KMT2C: variants seen among roughly 807,000 people sequenced by gnomAD.
The protein encoded by KMT2C is histone-lysine N-methyltransferase 2C.
Under a neutral mutation model 507.9 loss-of-function variants are expected in KMT2C, and 88 were observed. The observed-to-expected ratio is 0.17, with a 90% CI of 0.15 to 0.21. The LOEUF (loss-of-function observed/expected upper bound fraction) is 0.21. Ranked by LOEUF, KMT2C falls within the 10% of genes least tolerant of loss-of-function variation. The probability of loss-of-function intolerance (pLI) is 1.00; values close to 1 mark genes in which losing one functional copy is unlikely to be tolerated. For missense variants in KMT2C, 4,954 were observed against 5,957.8 expected (o/e 0.83, Z 5.55); for synonymous variants, 2,049 against 2,080.8 (o/e 0.98, Z 0.42).
At chr7:152,433,640 C>G (rs1309155150) in intron 1 of KMT2C, among the ~76,000 whole-genome samples, 1 of 152,196 alleles carries the variant, frequency 6.6e-6, no homozygotes, top group Non-Finnish European at 1.5e-5. Flanking sequence ...TACATTTGTT[C>G]TAAATATTTC....
intron 27 of KMT2C, among the ~76,000 whole-genome samples, chr7:152,197,996 C>T (rs1325047960): frequency 6.6e-6 from 1 of 151,436 alleles, no homozygotes; most frequent in East Asian, 1.9e-4. Flanking sequence ...AATCCTTTTG[C>T]TTTTAAAACT....
chr7:152,147,216 C>A (rs1483901524), intron 52 of KMT2C, among the ~76,000 whole-genome samples: 1 of 151,694 alleles, frequency 6.6e-6, no homozygotes, highest in African/African-American at 2.4e-5. Context: ...TGTTTGTGTA[C>A]TTTCTACATA....
chr7:152,361,547 G>C (rs888414950), intron 1 of KMT2C, among the ~76,000 whole-genome samples: 1 of 151,932 alleles, frequency 6.6e-6, no homozygotes, highest in African/African-American at 2.4e-5. Context: ...TGGGCAACAA[G>C]AGAGAAACTC....
chr7:152,398,019 T>G (rs1344426603), intron 1 of KMT2C, among the ~76,000 whole-genome samples: 3 of 152,234 alleles, frequency 2.0e-5, no homozygotes, highest in Non-Finnish European at 2.9e-5. Context: ...CTCCACATCA[T>G]TCACGTGTGT....
chr7:152,196,542 C>T (rs2129131153), intron 27 of KMT2C, among the ~76,000 whole-genome samples: 1 of 152,218 alleles, frequency 6.6e-6, no homozygotes, highest in Admixed American at 6.5e-5. Flanking sequence ...TATTTCACTA[C>T]CCACAGAACT....
At chr7:152,249,090 C>T (rs1478642114) in intron 13 of KMT2C, among the ~76,000 whole-genome samples, 1 of 152,066 alleles carries the variant, frequency 6.6e-6, no homozygotes, top group African/African-American at 2.4e-5. Flanking sequence ...TGCCAACCTA[C>T]CCAAAATATT....
chr7:152,187,819 A>G lies in KMT2C; in HGVS notation c.4689T>C (p.Asn1563=). The G allele has an allele frequency of 6.2e-7, 1 of 1,613,908 alleles. No individual in the cohort carries two copies. Among genetic ancestry groups the G allele is most frequent in the Non-Finnish European group, 8.5e-7 (1 of 1,179,892 alleles). The change falls in exon 32 of 59, where the codon AAT becomes AAC. Residue 1563 remains asparagine (N), a synonymous_variant. Transcript: ENST00000262189. ...QDAFSRMPLM[N]GLIGSSPHLP... ...GATGAGGACTGGATCCAATAAGGCC[A>G]TTCATGAGAGGCATCCGTGAAAAAG...
intron 31 of KMT2C, among the ~76,000 whole-genome samples, chr7:152,188,232 TATG>T (rs1160635423): frequency 6.6e-6 from 1 of 152,232 alleles, no homozygotes; most frequent in Non-Finnish European, 1.5e-5. Flanking sequence ...GATTTTGAAA[TATG>T]ATCTCTACAG....
chr7:152,221,711 C>T, intron 22 of KMT2C, among the ~76,000 whole-genome samples: 1 of 152,136 alleles, frequency 6.6e-6, no homozygotes. Context: ...GTGTTTTCTG[C>T]TAACTGATAA....
intron 1 of KMT2C, among the ~76,000 whole-genome samples, chr7:152,429,479 G>A (rs2097848377): frequency 6.6e-6 from 1 of 151,680 alleles, no homozygotes; most frequent in Non-Finnish European, 1.5e-5. Context: ...GCAAATAAAG[G>A]GATCAACACT....
At chr7:152,352,458 C>G (rs1483202800) in intron 2 of KMT2C, among the ~76,000 whole-genome samples, 2 of 152,116 alleles carry the variant, frequency 1.3e-5, no homozygotes, top group East Asian at 1.9e-4. Flanking sequence ...TATTCATATA[C>G]TCCCTCCCCT....
chr7:152,291,519 G>A (rs372675795), intron 6 of KMT2C, among the ~76,000 whole-genome samples: 50 of 147,000 alleles, frequency 3.4e-4, no homozygotes, highest in Admixed American at 8.4e-4. Context: ...AGTTATTTTT[G>A]CCACTATCAA....
At chr7:152,429,268 A>G (rs2097847091) in intron 1 of KMT2C, among the ~76,000 whole-genome samples, 1 of 152,214 alleles carries the variant, frequency 6.6e-6, no homozygotes, top group South Asian at 2.1e-4. Flanking sequence ...AAAGTTACAT[A>G]GAAGTATAGA....
intron 9 of KMT2C, among the ~76,000 whole-genome samples, chr7:152,256,570 CA>C (rs113349183): frequency 1.3e-5 from 2 of 150,586 alleles, no homozygotes; most frequent in Admixed American, 1.3e-4. Flanking sequence ...CACAAATAAG[CA>C]AAAAAAACAA....
intron 1 of KMT2C, among the ~76,000 whole-genome samples, chr7:152,384,479 A>G (rs1317781481): frequency 6.6e-6 from 1 of 151,730 alleles, no homozygotes; most frequent in Admixed American, 6.6e-5. Context: ...ATGCAGCTCA[A>G]GGATAACTCC....
chr7:152,173,468 A>G (rs2093055841), intron 39 of KMT2C, among the ~76,000 whole-genome samples: 1 of 152,216 alleles, frequency 6.6e-6, no homozygotes, highest in Non-Finnish European at 1.5e-5. Context: ...AGAGCAAAAT[A>G]ATCTGCATTT....
chr7:152,414,486 C>G (rs1589864761), intron 1 of KMT2C, among the ~76,000 whole-genome samples: 1 of 152,062 alleles, frequency 6.6e-6, no homozygotes, highest in East Asian at 1.9e-4. Flanking sequence ...CGAGATTGTG[C>G]CATCACACTC....
chr7:152,168,630 T>C (rs1486813313), intron 41 of KMT2C, among the ~76,000 whole-genome samples: 2 of 152,062 alleles, frequency 1.3e-5, no homozygotes, highest in Non-Finnish European at 2.9e-5. Flanking sequence ...TGAAAAATAA[T>C]GGTGAAAAAA....
At chr7:152,408,297 A>G (rs2097642322) in intron 1 of KMT2C, among the ~76,000 whole-genome samples, 1 of 23,694 alleles carries the variant, frequency 4.2e-5, no homozygotes, top group Non-Finnish European at 1.2e-4. Flanking sequence ...CAAAAAAAGA[A>G]AAAAAAAAAT....
Sources: gnomAD v4.1 joint callset for allele counts (sites outside exome capture counted in the v4.1 genomes callset) on GRCh38, gnomAD v4.1.1 for gene constraint, MANE v1.5 for transcripts, NCBI Gene and HGNC (gene_info 2026-07-23, HGNC 2026-07-21) for gene names.